Variants in GRIN3B observed in about 807,000 individuals in gnomAD.
GRIN3B encodes glutamate receptor ionotropic, NMDA 3B.
In GRIN3B, 77 loss-of-function variants were observed where a neutral mutation model predicts 66.0. That is an observed-to-expected ratio of 1.17 (90% confidence interval 0.97 to 1.41). The LOEUF (loss-of-function observed/expected upper bound fraction) is 1.41, where lower values mean the gene tolerates loss of function less well. Ranked by LOEUF, GRIN3B falls within the 40% of genes most tolerant of loss-of-function variation. The pLI, the probability that GRIN3B is intolerant of heterozygous loss-of-function variation, is 0.00. For missense variants in GRIN3B, 1,787 were observed against 1,564.5 expected, an observed-to-expected ratio of 1.14 and a Z score of -2.40; for synonymous variants, 823 against 749.7, an observed-to-expected ratio of 1.10 and a Z score of -1.60.
At position 1,000,688 on chromosome 19, in the gene GRIN3B, C is replaced by T; in HGVS notation, c.251C>T (p.Pro84Leu). ...LVVAAPPARD[P>L]ASLTRGLCQA... ...GTCGCCGCGCCCCCCGCCCGCGACCCCGCCTCGCTGACCCGCGGCCTGTGC... is the reference window on the plus strand; with the variant it reads ...GTCGCCGCGCCCCCCGCCCGCGACCTCGCCTCGCTGACCCGCGGCCTGTGC... The change falls in exon 1 of 9, where the codon CCC becomes CTC. Residue 84 changes from proline to leucine, a missense_variant. Coordinates refer to ENST00000234389, the MANE Select transcript of GRIN3B (RefSeq NM_138690.3). The T allele has an allele frequency of 7.3e-7, 1 of 1,364,678 alleles. No homozygotes were observed. Among genetic ancestry groups the T allele is most frequent in the Non-Finnish European group, 9.5e-7 (1 of 1,056,652 alleles). The allele number at this position is 1,364,678 out of a possible 1,614,324, so 84.5% of individuals were successfully genotyped here.
chr19:1,008,519 A>T, intron 6 of GRIN3B, 99 bp from the exon 7 acceptor site: 1 of 1,403,684 alleles, frequency 7.1e-7, no homozygotes, highest in Non-Finnish European at 9.7e-7. Flanking sequence ...CACTGCCCCA[A>T]GCCCCTCTCT....
At position 1,000,558 on chromosome 19, in the gene GRIN3B, G is replaced by T. The variant is rs928117882; in HGVS notation, c.121G>T (p.Ala41Ser). The T allele has an allele frequency of 3.7e-6, 4 of 1,091,178 alleles. No individual in the cohort carries two copies. Among genetic ancestry groups the T allele is most frequent in the African/African-American group, 1.7e-5 (1 of 59,476 alleles). 67.6% of individuals were successfully genotyped at this position (1,091,178 alleles called of 1,614,324 possible). A position where few individuals can be genotyped will look rare whatever the true frequency, so the allele number is the denominator to read the frequency against. Residue 41 changes from alanine (A) to serine (S), a missense_variant, in exon 1 of 9, where the codon GCC becomes TCC. Ala to Ser is a moderately conservative substitution (Grantham distance 99, BLOSUM62 1). Coordinates refer to ENST00000234389, the MANE Select transcript of GRIN3B (RefSeq NM_138690.3). ...CCTCGGGGGCTCCGTGCGCCTGGGCGCCCTCCTGCCCCGCGCGCCTCTCGC... is the reference window on the plus strand; with the variant it reads ...CCTCGGGGGCTCCGTGCGCCTGGGCTCCCTCCTGCCCCGCGCGCCTCTCGC... ...ARLGGSVRLG[A>S]LLPRAPLARA...
rs770812032 is a variant in GRIN3B at position 1,004,753 on chromosome 19, C to T, written c.1252C>T (p.Arg418Cys). 18 of 1,610,982 alleles carry T rather than the reference C, an allele frequency of 1.1e-5. No homozygotes were observed. Among genetic ancestry groups the T allele is most frequent in the African/African-American group, 4.0e-5 (3 of 74,864 alleles). The change falls in exon 3 of 9, where the codon CGT becomes TGT. Residue 418 changes from arginine (R) to cysteine (C), a missense_variant. Physicochemically the swap from Arg to Cys is radical, Grantham distance 180. Transcript: ENST00000234389. ...GGGTGCCCAGGTCTGGCCCAAGCTG[C>T]GTGTGGTAACGCTGTTGGAACACCC... ...PQGAQVWPKL[R>C]VVTLLEHPFV...
At chr19:1,001,672 A>C (rs2038685691) in intron 1 of GRIN3B, among the ~76,000 whole-genome samples, 1 of 149,634 alleles carries the variant, frequency 6.7e-6, no homozygotes, top group East Asian at 2.0e-4. Context: ...TTCCCAACCC[A>C]CTCAGAGGCC....
Position 1,004,590 on chromosome 19 carries a change from C to G in GRIN3B, c.1089C>G (p.His363Gln), listed in dbSNP as rs771295633. The part of the protein sequence containing the change: ...PVWVTGSSQV[H>Q]MSRHFKVWSL... ...GGGTGACAGGCAGCTCCCAGGTACA[C>G]ATGTCTCGGCACTTTAAGGTGTGGA... The change falls in exon 3 of 9, where the codon CAC becomes CAG. Residue 363 changes from histidine to glutamine, a missense_variant. His to Gln is a conservative substitution (Grantham distance 24, BLOSUM62 0). Coordinates refer to ENST00000234389, the MANE Select transcript of GRIN3B (RefSeq NM_138690.3). 6.2e-7 allele frequency: 1 copy of G among 1,608,106 alleles called. No homozygotes were observed. The highest frequency in any genetic ancestry group is 8.5e-7 in the Non-Finnish European group (1 of 1,177,932).
At chr19:1,004,333 G>A (rs1220238556) in intron 2 of GRIN3B, among the ~76,000 whole-genome samples, 188 bp from the exon 3 acceptor site, 1 of 152,142 alleles carries the variant, frequency 6.6e-6, no homozygotes, top group Non-Finnish European at 1.5e-5. Flanking sequence ...CCACGGCATC[G>A]GGCACGGATG....
chr19:1,007,793 G>A lies in GRIN3B; in HGVS notation c.2198+20G>A. 2 of 1,510,420 alleles carry A rather than the reference G, an allele frequency of 1.3e-6. No individual in the cohort carries two copies. Among genetic ancestry groups the A allele is most frequent in the Non-Finnish European group, 8.8e-7 (1 of 1,130,090 alleles). 93.6% of individuals were successfully genotyped at this position (1,510,420 alleles called of 1,614,324 possible). A position where few individuals can be genotyped will look rare whatever the true frequency, so the allele number is the denominator to read the frequency against. ...GCTCACGTGAGCCCGGGCGCGGGGT[G>A]AGGCGGGGGCGGGGCGTGGGGTGGG... is the stretch of plus-strand genomic sequence containing the variant. On this transcript the variant is annotated intron_variant, in intron 4 of 8. Transcript: ENST00000234389. This position sits in a 1 kb window ranked among gnomAD's most constrained non-coding sequence, Gnocchi z 4.4.
rs889331617 is a variant in GRIN3B at position 1,003,596 on chromosome 19, A to G, written c.893A>G (p.Gln298Arg). ...PLEAAIHDIV[Q>R]LVARALGSAA... ...GAGGCCGCCATCCATGACATTGTGC[A>G]ACTGGTGGCCCGGGCGCTGGGCAGT... Residue 298 changes from glutamine to arginine, a missense_variant, in exon 2 of 9, where the codon CAA becomes CGA. By Grantham distance (43) the Gln-to-Arg change is conservative. Transcript: ENST00000234389. 13 of 1,468,182 alleles carry G rather than the reference A, an allele frequency of 8.9e-6. No homozygotes were observed. The highest frequency in any genetic ancestry group is 3.7e-4 in the Middle Eastern group (2 of 5,440). The allele number at this position is 1,468,182 out of a possible 1,614,324, so 90.9% of individuals were successfully genotyped here.
chr19:1,003,048 T>C (rs1188240184), intron 1 of GRIN3B, 82 bp from the exon 2 acceptor site: 2 of 992,786 alleles, frequency 2.0e-6, no homozygotes, highest in South Asian at 1.9e-5. Flanking sequence ...GGCATCTACT[T>C]GCGGATCACC....
chr19:1,009,274 G>C lies in GRIN3B; in HGVS notation c.2804G>C (p.Arg935Pro). Residue 935 changes from arginine (R) to proline (P), a missense_variant, in exon 9 of 9, where the codon CGC (arginine) becomes CCC (proline). Arg to Pro is a moderately radical substitution (Grantham distance 103). Transcript: ENST00000234389. Reference sequence around the variant, plus strand: ...GCCGTGGACAAGGAGCGCCGCGTGCGCTTCCTGCTGGAGCCCGCCGTGGTT... The same window carrying C: ...GCCGTGGACAAGGAGCGCCGCGTGCCCTTCCTGCTGGAGCCCGCCGTGGTT... ...RRAVDKERRV[R>P]FLLEPAVVVA... 7.1e-7 allele frequency: 1 copy of C among 1,418,040 alleles called. No individual in the cohort carries two copies. The highest frequency in any genetic ancestry group is 9.1e-7 in the Non-Finnish European group (1 of 1,097,232). 87.8% of individuals were successfully genotyped at this position (1,418,040 alleles called of 1,614,324 possible).
Position 1,007,913 on chromosome 19 carries a change from G to A in GRIN3B, c.2256G>A (p.Glu752=), listed in dbSNP as rs770535375. 43 of 1,611,910 alleles carry A rather than the reference G, an allele frequency of 2.7e-5. No individual in the cohort carries two copies. Among genetic ancestry groups the A allele is most frequent in the Non-Finnish European group, 3.3e-5 (39 of 1,179,640 alleles). The part of the protein sequence containing the change: ...FIMDKSLLDY[E]VSIDADCKLL... ...TGGACAAGTCGCTCCTGGACTACGA[G>A]GTCTCCATCGACGCCGACTGCAAAC... Residue 752 remains glutamate, a synonymous_variant, in exon 5 of 9, where the codon GAG becomes GAA. Transcript: ENST00000234389. The surrounding 1 kb of genome is among the most constrained non-coding windows in gnomAD (Gnocchi z 4.4).
chr19:1,008,182 A>G lies in GRIN3B; in HGVS notation c.2357A>G (p.Asn786Ser). 6.2e-7 allele frequency: 1 copy of G among 1,608,954 alleles called. No homozygotes were observed. Among genetic ancestry groups the G allele is most frequent in the Non-Finnish European group, 8.5e-7 (1 of 1,178,402 alleles). ...GLPQNSPLTS[N>S]LSEFISRYKS... ...CCCCAGAACTCGCCGCTCACCTCCA[A>G]CCTGTCCGAGTTCATCAGCCGCTAC... The change falls in exon 6 of 9, where the codon AAC becomes AGC. Residue 786 changes from asparagine (N) to serine (S), a missense_variant. Transcript: ENST00000234389.
chr19:1,009,132 G>A, intron 8 of GRIN3B, 41 bp from the exon 9 acceptor site: 1 of 1,441,520 alleles, frequency 6.9e-7, no homozygotes, highest in South Asian at 1.5e-5. Context: ...GCGCGAGACG[G>A]CTGCCCCGGC....
chr19:1,008,004 G>C (rs1377424815), intron 5 of GRIN3B, 33 bp downstream of exon 5: 6 of 1,602,436 alleles, frequency 3.7e-6, no homozygotes, highest in Non-Finnish European at 5.1e-6. Context: ...GGGGCGCCGG[G>C]GTCTCTGGGG....
chr19:1,005,373 C>T lies in GRIN3B; in HGVS notation c.1872C>T (p.Tyr624=), dbSNP rs777216230. The T allele has an allele frequency of 1.5e-5, 25 of 1,613,586 alleles. No homozygotes were observed. Among genetic ancestry groups the T allele is most frequent in the Middle Eastern group, 1.6e-4 (1 of 6,084 alleles). The change falls in exon 3 of 9, where the codon TAC becomes TAT. Residue 624 remains tyrosine, a synonymous_variant. Coordinates refer to ENST00000234389, the MANE Select transcript of GRIN3B (RefSeq NM_138690.3). This position sits in a 1 kb window ranked among gnomAD's most constrained non-coding sequence, Gnocchi z 5.2. ...ACTCCTCAGCCCTCAACCTGTGCTA[C>T]GCCATCCTCTTCAGACGCACCGTGT... ...FSYSSALNLC[Y]AILFRRTVSS... is the part of the protein sequence containing the mutation.
intron 1 of GRIN3B, chr19:1,002,580 G>A (rs1254498376): frequency 6.6e-6 from 1 of 152,636 alleles, no homozygotes; most frequent in Non-Finnish European, 1.5e-5. Context: ...GGGATGCTAG[G>A]GGAAGCTACC....
chr19:1,005,678 G>C lies in GRIN3B; in HGVS notation c.2052+125G>C, dbSNP rs1055164273. 8.4e-6 allele frequency: 6 copies of C among 714,226 alleles called. No homozygotes were observed. Among genetic ancestry groups the C allele is most frequent in the South Asian group, 2.0e-5 (1 of 50,068 alleles). 44.2% of individuals were successfully genotyped at this position (714,226 alleles called of 1,614,324 possible). Reference sequence around the variant, plus strand: ...TCCACTAGGCCAACTCTGGTCCCAAGAGACATTTATTCAATTAATTTATTT... The same window carrying C: ...TCCACTAGGCCAACTCTGGTCCCAACAGACATTTATTCAATTAATTTATTT... On this transcript the variant is annotated intron_variant, in intron 3 of 8. Transcript: ENST00000234389. This position sits in a 1 kb window ranked among gnomAD's most constrained non-coding sequence, Gnocchi z 5.2.
chr19:1,007,592 G>T lies in GRIN3B; in HGVS notation c.2053-36G>T. ...CCCCTCAATGGTCAGGGGTCCTGAGGGGCAGGCAGAGGCGCTGACGGGGTC... is the reference window on the plus strand; with the variant it reads ...CCCCTCAATGGTCAGGGGTCCTGAGTGGCAGGCAGAGGCGCTGACGGGGTC... On this transcript the variant is annotated intron_variant, in intron 3 of 8. Transcript: ENST00000234389. The surrounding 1 kb of genome is among the most constrained non-coding windows in gnomAD (Gnocchi z 4.4). 1 of 1,453,296 alleles carries T rather than the reference G, an allele frequency of 6.9e-7. No homozygotes were observed. The highest frequency in any genetic ancestry group is 9.0e-7 in the Non-Finnish European group (1 of 1,105,120). 90.0% of individuals were successfully genotyped at this position (1,453,296 alleles called of 1,614,324 possible).
chr19:1,004,768 T>C lies in GRIN3B; in HGVS notation c.1267T>C (p.Leu423=). ...VWPKLRVVTL[L]EHPFVFARDP... is the part of the protein sequence containing the mutation. ...GCCCAAGCTGCGTGTGGTAACGCTG[T>C]TGGAACACCCATTTGTGTTTGCCCG... The change falls in exon 3 of 9, where the codon TTG becomes CTG. Residue 423 remains leucine (L), a synonymous_variant. Transcript: ENST00000234389. 2 of 1,612,452 alleles carry C rather than the reference T, an allele frequency of 1.2e-6. No individual in the cohort carries two copies. Among genetic ancestry groups the C allele is most frequent in the Non-Finnish European group, 1.7e-6 (2 of 1,179,318 alleles).
Sources: allele counts gnomAD v4.1 joint callset (sites outside exome capture counted in the v4.1 genomes callset), GRCh38; gene constraint gnomAD v4.1.1; non-coding constraint Gnocchi (gnomAD v3.1); transcripts MANE v1.5; gene names NCBI Gene and HGNC (gene_info 2026-07-23, HGNC 2026-07-21).